Variants in SPTAN1 observed in about 807,000 individuals in gnomAD.
The protein encoded by SPTAN1 is spectrin alpha chain, non-erythrocytic 1.
A neutral mutation model predicts 331.3 loss-of-function variants in SPTAN1; 61 were observed. The observed-to-expected ratio is 0.18, with a 90% CI of 0.15 to 0.23. SPTAN1 has a LOEUF of 0.23. SPTAN1 is among the 10% of genes least tolerant of loss of function. SPTAN1 has a pLI of 1.00. For missense variants in SPTAN1, 2,043 were observed against 3,147.9 expected (o/e 0.65, Z 8.40); for synonymous variants, 1,153 against 1,173.9 (o/e 0.98, Z 0.36).
chr9:128,611,239 G>A (rs2131667636), intron 37 of SPTAN1, among the ~76,000 whole-genome samples: 1 of 152,350 alleles, frequency 6.6e-6, no homozygotes, highest in East Asian at 1.9e-4. Context: ...GGAGGCCAAT[G>A]TGGCTCGATT....
Position 128,609,371 on chromosome 9 carries a change from T to A in SPTAN1, c.4758+87T>A, listed in dbSNP as rs149498163. On this transcript the variant is annotated intron_variant, in intron 36 of 56. Transcript: ENST00000372739. Reference sequence around the variant, plus strand: ...TAAATAAAGCATTTATAAAACAATCTCCTTGCACCCATGGGAAGTCAGTGA... The same window carrying A: ...TAAATAAAGCATTTATAAAACAATCACCTTGCACCCATGGGAAGTCAGTGA... 259 of 1,580,998 alleles carry A rather than the reference T, an allele frequency of 1.6e-4. No individual in the cohort carries two copies. In the African/African-American group the frequency reaches 3.0e-3, roughly 18 times the overall value.
intron 1 of SPTAN1, among the ~76,000 whole-genome samples, chr9:128,563,528 C>A (rs528670071): frequency 1.3e-5 from 2 of 152,182 alleles, no homozygotes; most frequent in Non-Finnish European, 2.9e-5. Flanking sequence ...TAGCTTTAGT[C>A]AGCACATTCT....
chr9:128,609,350 TA>T, intron 36 of SPTAN1, 66 bp downstream of exon 36: 1 of 1,607,974 alleles, frequency 6.2e-7, no homozygotes, highest in African/African-American at 1.3e-5. Context: ...TTTTGTTAAA[TA>T]AAGCATTTAT....
intron 51 of SPTAN1, 56 bp from the exon 52 acceptor site, chr9:128,630,265 T>G: frequency 1.3e-6 from 2 of 1,587,282 alleles, no homozygotes; most frequent in Non-Finnish European, 1.7e-6. Flanking sequence ...AGGTTCATTC[T>G]GAGCTCTCGG....
At chr9:128,604,449 G>GA in intron 29 of SPTAN1, 32 bp downstream of exon 29, 1 of 1,593,504 alleles carries the variant, frequency 6.3e-7, no homozygotes, top group Non-Finnish European at 8.6e-7. Context: ...GGGAGAGGGA[G>GA]AAACAGGTGA....
chr9:128,566,368 T>G (rs1850039867), intron 1 of SPTAN1, among the ~76,000 whole-genome samples: 1 of 152,176 alleles, frequency 6.6e-6, no homozygotes, highest in Non-Finnish European at 1.5e-5. Flanking sequence ...TGAAAGGACT[T>G]CTGAATGGAC....
chr9:128,611,089 A>G (rs1382517830), intron 37 of SPTAN1, among the ~76,000 whole-genome samples: 2 of 152,248 alleles, frequency 1.3e-5, no homozygotes, highest in African/African-American at 4.8e-5. Flanking sequence ...TCAAAACTGA[A>G]GTTGGCCATT....
intron 24 of SPTAN1, among the ~76,000 whole-genome samples, chr9:128,596,813 C>G (rs1240263849): frequency 6.6e-6 from 1 of 152,216 alleles, no homozygotes; most frequent in Non-Finnish European, 1.5e-5. Context: ...ACCTCAGCCA[C>G]CCGAGTGGCT....
In SPTAN1 at chr9:128,607,948, G is replaced by A. The variant is rs745697305; in HGVS notation, c.4243G>A (p.Glu1415Lys). ...LLAHGHYASP[E>K]IKQKLDILDQ... ...GGCTCACGGACACTATGCCAGCCCT[G>A]AGATCAAGCAGAAACTTGATATTCT... The change falls in exon 33 of 57, where the codon GAG (glutamate) becomes AAG (lysine). Residue 1415 changes from glutamate to lysine, a missense_variant. By Grantham distance (56) the Glu-to-Lys change is moderately conservative (BLOSUM62 1). Transcript: ENST00000372739. The A allele has an allele frequency of 1.2e-6, 2 of 1,613,972 alleles. No individual in the cohort carries two copies. The highest frequency in any genetic ancestry group is 2.2e-5 in the East Asian group (1 of 44,896).
chr9:128,627,007 G>T lies in SPTAN1; in HGVS notation c.6576+320G>T, dbSNP rs1243406020. 3 of 553,478 alleles carry T rather than the reference G, an allele frequency of 5.4e-6. No homozygotes were observed. The Admixed American group carries it at 6.6e-5, about 12-fold the overall frequency. 34.3% of individuals were successfully genotyped at this position (553,478 alleles called of 1,614,324 possible). A position where few individuals can be genotyped will look rare whatever the true frequency, so the allele number is the denominator to read the frequency against. On this transcript the variant is annotated intron_variant, in intron 49 of 56. Transcript: ENST00000372739. The surrounding 1 kb of genome is among the most constrained non-coding windows in gnomAD (Gnocchi z 4.9). ...TTATTTTAATTTTTGTAGACAGGGT[G>T]TTGCTATGTTGCCCAGGCTGGTCTT... is the stretch of plus-strand genomic sequence containing the variant.
chr9:128,565,519 T>G (rs1427845490), intron 1 of SPTAN1, among the ~76,000 whole-genome samples: 1 of 152,214 alleles, frequency 6.6e-6, no homozygotes, highest in Non-Finnish European at 1.5e-5. Flanking sequence ...AATCTTCAGA[T>G]CTGATCAGGC....
intron 45 of SPTAN1, 132 bp from the exon 46 acceptor site, chr9:128,624,196 A>G (rs1858382613): frequency 1.0e-6 from 1 of 988,110 alleles, no homozygotes; most frequent in African/African-American, 1.6e-5. Flanking sequence ...TTACCCTATC[A>G]TTGTTTACCC....
intron 31 of SPTAN1, among the ~76,000 whole-genome samples, chr9:128,607,399 A>C (rs1856032623): frequency 1.3e-5 from 2 of 152,170 alleles, no homozygotes; most frequent in South Asian, 4.1e-4. Flanking sequence ...AAGCCTACTG[A>C]CTTTTCCTCT....
At chr9:128,601,508 G>A (rs1315532220) in intron 27 of SPTAN1, 1 of 152,060 alleles carries the variant, frequency 6.6e-6, no homozygotes, top group Non-Finnish European at 1.5e-5. Context: ...AGGTGGATGA[G>A]CCCAGGAACT....
chr9:128,594,429 A>ATTTTTTTTTTTTTTTTTT, intron 24 of SPTAN1, 56 bp downstream of exon 24: 1 of 759,414 alleles, frequency 1.3e-6, no homozygotes, highest in Non-Finnish European at 1.9e-6. Flanking sequence ...GAGTCTCTTG[A>ATTTTTTTTTTTTTTTTTT]TTTTTTTTTT....
chr9:128,594,558 G>A (rs1242383394), intron 24 of SPTAN1, among the ~76,000 whole-genome samples, 185 bp downstream of exon 24: 1 of 148,932 alleles, frequency 6.7e-6, no homozygotes, highest in Non-Finnish European at 1.5e-5. Flanking sequence ...AGCATCCTGA[G>A]TTGCTGGGAT....
intron 1 of SPTAN1, among the ~76,000 whole-genome samples, chr9:128,553,745 T>A (rs755110850): frequency 1.2e-4 from 18 of 152,192 alleles, no homozygotes; most frequent in Non-Finnish European, 7.3e-5. Context: ...CCTAAAATAT[T>A]TAAGCCCTTT....
intron 1 of SPTAN1, chr9:128,555,301 G>A (rs199833624): frequency 7.3e-5 from 88 of 1,206,094 alleles, no homozygotes; most frequent in East Asian, 2.9e-4. Flanking sequence ...ATTTTGTTCC[G>A]TTTGCCCTTA....
intron 21 of SPTAN1, among the ~76,000 whole-genome samples, chr9:128,589,521 C>A (rs554421767): frequency 2.0e-4 from 30 of 151,012 alleles, no homozygotes; most frequent in Admixed American, 9.2e-4. Context: ...CGTGATCCAC[C>A]CACCTCAGCC....
Sources: gnomAD v4.1 joint callset for allele counts (sites outside exome capture counted in the v4.1 genomes callset) on GRCh38, gnomAD v4.1.1 for gene constraint, Gnocchi (gnomAD v3.1) non-coding constraint, MANE v1.5 for transcripts, NCBI Gene and HGNC (gene_info 2026-07-23, HGNC 2026-07-21) for gene names.